Variants in UGT2B15 observed in about 807,000 individuals in gnomAD.
UGT2B15 encodes the protein UDP-glucuronosyltransferase 2B15.
UGT2B15 carries 36 observed loss-of-function variants against 45.9 expected under a neutral mutation model. The ratio of observed to expected loss-of-function variants is 0.78; its 90% CI spans 0.60 to 1.04. The LOEUF (loss-of-function observed/expected upper bound fraction) is 1.04, where lower values mean the gene tolerates loss of function less well. UGT2B15 is among the 50% of genes least tolerant of loss of function. UGT2B15 has a pLI of 0.00. For missense variants in UGT2B15, 617 were observed against 622.4 expected, an observed-to-expected ratio of 0.99 and a Z score of 0.09; for synonymous variants, 219 against 216.4, an observed-to-expected ratio of 1.01 and a Z score of -0.11.
chr4:68,664,732 A>G (rs1412541784), intron 2 of UGT2B15, among the ~76,000 whole-genome samples: 1 of 151,758 alleles, frequency 6.6e-6, no homozygotes, highest in Non-Finnish European at 1.5e-5. Context: ...ACGCCTGGCT[A>G]ATTTTTCTGT....
intron 2 of UGT2B15, among the ~76,000 whole-genome samples, chr4:68,663,887 T>A (rs1286729416): frequency 6.6e-6 from 1 of 152,056 alleles, no homozygotes; most frequent in Non-Finnish European, 1.5e-5. Flanking sequence ...TAATACAGTA[T>A]TATATACTAT....
chr4:68,648,221 C>T (rs1439371257), intron 5 of UGT2B15, among the ~76,000 whole-genome samples: 1 of 151,950 alleles, frequency 6.6e-6, no homozygotes, highest in Non-Finnish European at 1.5e-5. Context: ...GAATAAATTC[C>T]AAATCTGTCT....
rs760572886 is a variant in UGT2B15 at position 68,655,128 on chromosome 4, G to C, written c.1060C>G (p.Leu354Val). The change falls in exon 4 of 6, where the codon CTG becomes GTG. Residue 354 changes from leucine (L) to valine (V), a missense_variant. Leu to Val is a conservative substitution (Grantham distance 32, BLOSUM62 1). This residue lies in a region of UGT2B15 where 265 missense variants were observed against 245.1 expected (regional missense o/e 1.08). Coordinates refer to ENST00000338206, the MANE Select transcript of UGT2B15 (RefSeq NM_001076.4). ...KPNTLGSNTRLYKWLPQNDLL... is the reference protein window; with the variant it reads ...KPNTLGSNTRVYKWLPQNDLL... ...TCATTCTGGGGTAACCACTTGTACAGTCGAGTATTGGAACCTAAAGTATTT... is the reference window on the plus strand; with the variant it reads ...TCATTCTGGGGTAACCACTTGTACACTCGAGTATTGGAACCTAAAGTATTT... 18 of 1,613,282 alleles carry C rather than the reference G, an allele frequency of 1.1e-5. 1 individual carries two copies. In the East Asian group the frequency reaches 4.0e-4, roughly 36 times the overall value.
At position 68,646,721 on chromosome 4, in the gene UGT2B15, A is replaced by AC. The variant is rs2109814835; in HGVS notation, c.*382_*383insG. ...CATTTTCCTTCCTGGTTTAAAAAAA[A>AC]GAGTTGTATTTTTTTTTTTTGCTTT... On this transcript the variant is annotated 3_prime_UTR_variant, in exon 6 of 6. Coordinates refer to ENST00000338206, the MANE Select transcript of UGT2B15 (RefSeq NM_001076.4). 6.7e-6 allele frequency: 1 copy of AC among 149,376 alleles called. No individual in the cohort carries two copies. Among genetic ancestry groups the AC allele is most frequent in the East Asian group, 2.2e-4 (1 of 4,562 alleles). 9.3% of individuals were successfully genotyped at this position (149,376 alleles called of 1,614,324 possible).
chr4:68,669,202 G>T (rs889841570), intron 1 of UGT2B15, among the ~76,000 whole-genome samples: 1 of 152,040 alleles, frequency 6.6e-6, no homozygotes, highest in Non-Finnish European at 1.5e-5. Context: ...TATTGACATA[G>T]AGATATGTGC....
At chr4:68,661,398 G>T (rs1732962370) in intron 3 of UGT2B15, among the ~76,000 whole-genome samples, 1 of 151,900 alleles carries the variant, frequency 6.6e-6, no homozygotes. Flanking sequence ...GATTATCAAT[G>T]AAATATTCAA....
In UGT2B15 at chr4:68,669,970, G is replaced by A. The variant is rs779310509; in HGVS notation, c.649C>T (p.His217Tyr). The A allele has an allele frequency of 3.7e-6, 6 of 1,613,614 alleles. No homozygotes were observed. Among genetic ancestry groups the A allele is most frequent in the South Asian group, 1.1e-5 (1 of 91,018 alleles). ...IFMERIKNMI[H>Y]MLYFDFWFQI... is the part of the protein sequence containing the mutation. ...AACCAAAAGTCAAAATAAAGCATAT[G>A]TATCATATTTTTTATCCTCTCCATG... The change falls in exon 1 of 6, where the codon CAT becomes TAT. Residue 217 changes from histidine to tyrosine, a missense_variant. This residue lies in a region of UGT2B15 where 351 missense variants were observed against 342.1 expected (regional missense o/e 1.03). Coordinates refer to ENST00000338206, the MANE Select transcript of UGT2B15 (RefSeq NM_001076.4).
Position 68,652,408 on chromosome 4 carries a change from C to CTA in UGT2B15, c.1313+1627_1313+1628dup, listed in dbSNP as rs759430706. On this transcript the variant is annotated intron_variant, in intron 5 of 5. Coordinates refer to ENST00000338206, the MANE Select transcript of UGT2B15 (RefSeq NM_001076.4). ...TCACATTTAAATCCAGCATCTTATT[C>CTA]TATATATATATATATTTTAATTTTC... is the stretch of plus-strand genomic sequence containing the variant. 3.3e-3 allele frequency among the ~76,000 whole-genome samples: 494 copies of CTA among 150,196 alleles called. 5 individuals are homozygous for CTA. Among genetic ancestry groups the CTA allele is most frequent in the African/African-American group, 9.7e-3 (398 of 41,120 alleles).
chr4:68,654,830 A>G (rs1313888627), intron 4 of UGT2B15, among the ~76,000 whole-genome samples: 2 of 152,056 alleles, frequency 1.3e-5, no homozygotes, highest in East Asian at 3.9e-4. Context: ...CCAGGATGTT[A>G]TTTAAAACCT....
chr4:68,659,660 C>A (rs375527343), intron 3 of UGT2B15, among the ~76,000 whole-genome samples: 6 of 151,842 alleles, frequency 4.0e-5, no homozygotes, highest in South Asian at 4.1e-4. Flanking sequence ...ACTTTTTGTC[C>A]TCCACAGACA....
chr4:68,654,402 C>A, intron 4 of UGT2B15, 146 bp from the exon 5 acceptor site: 2 of 829,954 alleles, frequency 2.4e-6, no homozygotes, highest in South Asian at 2.7e-5. Flanking sequence ...TTTCAAATTT[C>A]AGAAGAATTG....
intron 2 of UGT2B15, among the ~76,000 whole-genome samples, chr4:68,667,094 T>C (rs1462233294): frequency 6.6e-6 from 1 of 151,832 alleles, no homozygotes; most frequent in Non-Finnish European, 1.5e-5. Context: ...AATTTGGAGT[T>C]CCTGGGAACT....
chr4:68,669,984 A>G lies in UGT2B15; in HGVS notation c.635T>C (p.Ile212Thr), dbSNP rs772502374. 2.3e-5 allele frequency: 37 copies of G among 1,613,738 alleles called. No homozygotes were observed. The highest frequency in any genetic ancestry group is 3.0e-5 in the Non-Finnish European group (35 of 1,179,932). ...LSDQMIFMER[I>T]KNMIHMLYFD... ...ATAAAGCATATGTATCATATTTTTT[A>G]TCCTCTCCATGAAAATCATTTGATC... The change falls in exon 1 of 6, where the codon ATA (isoleucine) becomes ACA (threonine). Residue 212 changes from isoleucine to threonine, a missense_variant. Coordinates refer to ENST00000338206, the MANE Select transcript of UGT2B15 (RefSeq NM_001076.4).
chr4:68,668,280 A>G, intron 1 of UGT2B15, 92 bp from the exon 2 acceptor site: 1 of 1,544,388 alleles, frequency 6.5e-7, no homozygotes, highest in Non-Finnish European at 8.8e-7. Flanking sequence ...ACTTGGAATA[A>G]CATACCCAAA....
chr4:68,663,438 A>C (rs1733023128), intron 2 of UGT2B15, among the ~76,000 whole-genome samples: 1 of 152,126 alleles, frequency 6.6e-6, no homozygotes, highest in Admixed American at 6.6e-5. Context: ...TGTTACACCC[A>C]GACACTTTAT....
chr4:68,669,577 G>A (rs959019175), intron 1 of UGT2B15, among the ~76,000 whole-genome samples: 4 of 152,064 alleles, frequency 2.6e-5, no homozygotes, highest in Non-Finnish European at 4.4e-5. Context: ...GATGTTTCTT[G>A]AGGTATCTAT....
chr4:68,651,184 T>C (rs1233461365), intron 5 of UGT2B15, among the ~76,000 whole-genome samples: 1 of 152,070 alleles, frequency 6.6e-6, no homozygotes, highest in Non-Finnish European at 1.5e-5. Context: ...TTTTGGCTTT[T>C]GTTGCAATTG....
At chr4:68,664,278 A>AAG (rs796201147) in intron 2 of UGT2B15, among the ~76,000 whole-genome samples, 4 of 149,480 alleles carry the variant, frequency 2.7e-5, no homozygotes, top group South Asian at 2.1e-4. Context: ...AAAAAAAAAA[A>AAG]AGAGAGAGAG....
rs72551391 is a variant in UGT2B15 at position 68,669,986 on chromosome 4, C to T, written c.633G>A (p.Arg211=). ...ELSDQMIFME[R]IKNMIHMLYF... ...AAAGCATATGTATCATATTTTTTAT[C>T]CTCTCCATGAAAATCATTTGATCAC... The change falls in exon 1 of 6, where the codon AGG becomes AGA. Residue 211 remains arginine, a synonymous_variant. Transcript: ENST00000338206. 2,244 of 1,613,686 alleles carry T rather than the reference C, an allele frequency of 1.4e-3. 5 individuals carry two copies. Among genetic ancestry groups the T allele is most frequent in the Middle Eastern group, 0.014 (83 of 6,058 alleles).
Sources: gnomAD v4.1 joint callset for allele counts (sites outside exome capture counted in the v4.1 genomes callset) on GRCh38, gnomAD v4.1.1 for gene constraint, gnomAD v4.1.1 regional missense constraint, MANE v1.5 for transcripts, NCBI Gene and HGNC (gene_info 2026-07-23, HGNC 2026-07-21) for gene names.